The following ZNF385D variants were observed in gnomAD, a reference collection of about 807,000 sequenced individuals.
ZNF385D encodes zinc finger protein 385D.
ZNF385D carries 15 observed loss-of-function variants against 35.8 expected under a neutral mutation model. That is an observed-to-expected ratio of 0.42 (90% CI 0.28 to 0.64). ZNF385D has a LOEUF of 0.64. Among genes scored for constraint, ZNF385D ranks in the 30% least tolerant of loss-of-function variants. The pLI, the probability that ZNF385D is intolerant of heterozygous loss-of-function variation, is 0.23. For missense variants in ZNF385D, 474 were observed against 494.6 expected (o/e 0.96, Z 0.39); for synonymous variants, 212 against 186.8 (o/e 1.13, Z -1.10).
intron 2 of ZNF385D, among the ~76,000 whole-genome samples, chr3:22,299,805 G>C (rs1438528915): frequency 6.6e-6 from 1 of 151,744 alleles, no homozygotes; most frequent in Non-Finnish European, 1.5e-5. Context: ...ATTGATAAAA[G>C]ACATTAAAGA....
intron 4 of ZNF385D, among the ~76,000 whole-genome samples, chr3:21,487,481 A>G (rs1176188537): frequency 6.6e-6 from 1 of 152,106 alleles, no homozygotes; most frequent in Non-Finnish European, 1.5e-5. Flanking sequence ...GGTAGGTCTA[A>G]TAACACTATA....
intron 2 of ZNF385D, among the ~76,000 whole-genome samples, chr3:22,314,804 A>G (rs1703793921): frequency 6.6e-6 from 1 of 152,126 alleles, no homozygotes; most frequent in African/African-American, 2.4e-5. Context: ...CATCCTGGTC[A>G]TATTAATTGA....
chr3:22,268,884 G>A (rs1701031139), intron 2 of ZNF385D, among the ~76,000 whole-genome samples: 1 of 151,882 alleles, frequency 6.6e-6, no homozygotes, highest in African/African-American at 2.4e-5. Context: ...GAAAATAGTG[G>A]GGGTGGGGGA....
intron 1 of ZNF385D, among the ~76,000 whole-genome samples, chr3:21,716,408 C>T (rs1446462282): frequency 2.0e-5 from 3 of 152,172 alleles, no homozygotes; most frequent in Non-Finnish European, 4.4e-5. Flanking sequence ...TTACCATTCT[C>T]ATCTCCTGAA....
At chr3:21,832,463 T>C (rs1046976320) in intron 3 of ZNF385D, among the ~76,000 whole-genome samples, 4 of 152,204 alleles carry the variant, frequency 2.6e-5, no homozygotes, top group Non-Finnish European at 4.4e-5. Flanking sequence ...TAGGGTGTCA[T>C]ACATTCTCAT....
chr3:22,293,139 C>CA lies in ZNF385D; in HGVS notation c.106+79310dup, dbSNP rs551103757. Among the ~76,000 whole-genome samples the CA allele has an allele frequency of 5.7e-3, 872 of 152,138 alleles. 9 individuals are homozygous for CA. Among genetic ancestry groups the CA allele is most frequent in the South Asian group, 0.05 (239 of 4,824 alleles). On this transcript the variant is annotated intron_variant, in intron 2 of 5. Coordinates refer to the ZNF385D transcript ENST00000494108. ...TTTCACTTATACATCATAAATCCCT[C>CA]AAAAAAGCCTTCATAGAAATCCCCC...
chr3:22,248,343 C>T (rs1238229839), intron 2 of ZNF385D, among the ~76,000 whole-genome samples: 2 of 152,112 alleles, frequency 1.3e-5, no homozygotes, highest in Non-Finnish European at 2.9e-5. Context: ...TTCCTTTATT[C>T]AACAAACATT....
intron 3 of ZNF385D, among the ~76,000 whole-genome samples, chr3:21,969,861 T>C (rs984411766): frequency 2.0e-5 from 3 of 152,138 alleles, no homozygotes; most frequent in Non-Finnish European, 4.4e-5. Context: ...CAGAAAGGGA[T>C]AGAAACTCCA....
intron 3 of ZNF385D, among the ~76,000 whole-genome samples, chr3:22,098,860 A>G (rs1297647039): frequency 6.6e-6 from 1 of 152,096 alleles, no homozygotes; most frequent in African/African-American, 2.4e-5. Context: ...GAATATAGAA[A>G]ATACAATTAG....
rs374699020 is a variant in ZNF385D at position 22,135,889 on chromosome 3, C to T, written c.325+32928G>A. ...AACAATTAAATAAAGAAAGGTTAAT[C>T]TTTTAATAAATGATACTAAGACAAT... On this transcript the variant is annotated intron_variant, in intron 3 of 5. Coordinates refer to the ZNF385D transcript ENST00000494108. 2.0e-5 allele frequency among the ~76,000 whole-genome samples: 3 copies of T among 152,214 alleles called. No homozygotes were observed. In the East Asian group the frequency reaches 5.8e-4, roughly 29 times the overall value.
intron 2 of ZNF385D, among the ~76,000 whole-genome samples, chr3:22,233,495 C>G (rs535448255): frequency 6.6e-6 from 1 of 152,088 alleles, no homozygotes; most frequent in Non-Finnish European, 1.5e-5. Context: ...TGGTGGTAGT[C>G]CCATGGTGTA....
chr3:21,798,189 C>A (rs1351652510), intron 3 of ZNF385D, among the ~76,000 whole-genome samples: 1 of 152,142 alleles, frequency 6.6e-6, no homozygotes, highest in East Asian at 1.9e-4. Context: ...CCAATAACTG[C>A]TCTAAAAAAT....
chr3:22,223,577 T>A lies in ZNF385D; in HGVS notation c.107-54542A>T, dbSNP rs189048399. Among the ~76,000 whole-genome samples, 5 of 152,260 alleles carry A rather than the reference T, an allele frequency of 3.3e-5. No homozygotes were observed. In the South Asian group the frequency reaches 1.0e-3, roughly 32 times the overall value. On this transcript the variant is annotated intron_variant, in intron 2 of 5. Transcript: ENST00000494108. ...TTGAAAGTATGTGGCAGGGTTCCTATTAGCAGAACATAATGTATTTAACAA... is the reference window on the plus strand; with the variant it reads ...TTGAAAGTATGTGGCAGGGTTCCTAATAGCAGAACATAATGTATTTAACAA...
chr3:22,071,424 A>G (rs945218592), intron 3 of ZNF385D, among the ~76,000 whole-genome samples: 2 of 152,162 alleles, frequency 1.3e-5, no homozygotes, highest in African/African-American at 4.8e-5. Flanking sequence ...GCTTCATACT[A>G]GAGGTCACTA....
chr3:21,939,380 G>C (rs2125269148), intron 3 of ZNF385D, among the ~76,000 whole-genome samples: 1 of 152,146 alleles, frequency 6.6e-6, no homozygotes, highest in South Asian at 2.1e-4. Context: ...GGTAAGAGTG[G>C]TGAAAATGGA....
At chr3:22,152,404 T>G (rs1353585761) in intron 3 of ZNF385D, among the ~76,000 whole-genome samples, 1 of 152,162 alleles carries the variant, frequency 6.6e-6, no homozygotes, top group Non-Finnish European at 1.5e-5. Flanking sequence ...TTTGTTGGCT[T>G]AAGACAAAAC....
chr3:22,269,717 T>C (rs916952928), intron 2 of ZNF385D, among the ~76,000 whole-genome samples: 2 of 151,904 alleles, frequency 1.3e-5, no homozygotes, highest in East Asian at 1.9e-4. Flanking sequence ...TTCTCTTTTT[T>C]TGGGGGGAGG....
At chr3:21,471,406 A>T (rs1016970875) in intron 4 of ZNF385D, among the ~76,000 whole-genome samples, 2 of 152,010 alleles carry the variant, frequency 1.3e-5, no homozygotes, top group East Asian at 1.9e-4. Flanking sequence ...TTTCATGGAC[A>T]AAGTTCAAAG....
chr3:22,339,445 A>G (rs1184108541), intron 2 of ZNF385D, among the ~76,000 whole-genome samples: 1 of 152,218 alleles, frequency 6.6e-6, no homozygotes, highest in East Asian at 1.9e-4. Flanking sequence ...AAGATTAATT[A>G]GCCACATCTC....
Sources: gnomAD v4.1 joint callset for allele counts (sites outside exome capture counted in the v4.1 genomes callset) on GRCh38, gnomAD v4.1.1 for gene constraint, MANE v1.5 for transcripts, NCBI Gene and HGNC (gene_info 2026-07-23, HGNC 2026-07-21) for gene names.